The following MAP4K3 variants were observed in gnomAD, a reference collection of about 807,000 sequenced individuals.
The protein encoded by MAP4K3 is MAPK/ERK kinase kinase kinase 3.
In MAP4K3, 94 loss-of-function variants were observed where a neutral mutation model predicts 143.5. The ratio of observed to expected loss-of-function variants is 0.65; its 90% confidence interval spans 0.55 to 0.78. MAP4K3 has a LOEUF of 0.78. Among genes scored for constraint, MAP4K3 ranks in the 30% least tolerant of loss-of-function variants. The pLI, the probability that MAP4K3 is intolerant of heterozygous loss-of-function variation, is 0.00. For synonymous variants in MAP4K3, 416 were observed against 347.2 expected (o/e 1.20, Z -2.20); for missense variants, 1,077 against 1,068.1 (o/e 1.01, Z -0.12).
At chr2:39,280,154 T>C (rs1681453986) in intron 23 of MAP4K3, 118 bp downstream of exon 23, 1 of 556,286 alleles carries the variant, frequency 1.8e-6, no homozygotes, top group Non-Finnish European at 3.1e-6. Flanking sequence ...AAAAAAAAAT[T>C]ATAACAAAAC....
At chr2:39,436,690 T>A (rs1018064855) in intron 1 of MAP4K3, 9 of 569,806 alleles carry the variant, frequency 1.6e-5, no homozygotes, top group Non-Finnish European at 2.8e-5. Context: ...GGGGCTCAGG[T>A]AAGGGCTGGG....
At chr2:39,311,224 C>T (rs752270237) in intron 13 of MAP4K3, among the ~76,000 whole-genome samples, 12 of 152,080 alleles carry the variant, frequency 7.9e-5, no homozygotes, top group East Asian at 1.9e-4. Flanking sequence ...CCTACAGGTG[C>T]GCGCCACTAT....
chr2:39,359,994 T>C (rs1199303085), intron 2 of MAP4K3, among the ~76,000 whole-genome samples: 2 of 152,254 alleles, frequency 1.3e-5, no homozygotes, highest in Non-Finnish European at 2.9e-5. Flanking sequence ...GTGATTAACA[T>C]TTGGCTCCTT....
intron 22 of MAP4K3, 117 bp downstream of exon 22, chr2:39,282,396 T>C (rs540412536): frequency 3.9e-5 from 32 of 815,736 alleles, no homozygotes; most frequent in African/African-American, 3.0e-4. Flanking sequence ...AGCAATCTTA[T>C]AGATTTTTTT....
chr2:39,388,852 G>A (rs1666578359), intron 1 of MAP4K3, among the ~76,000 whole-genome samples: 1 of 152,082 alleles, frequency 6.6e-6, no homozygotes, highest in African/African-American at 2.4e-5. Flanking sequence ...ATTATCTGTA[G>A]ATAAACACAT....
intron 31 of MAP4K3, 137 bp downstream of exon 31, chr2:39,258,211 C>T (rs1039509209): frequency 1.5e-6 from 1 of 680,820 alleles, no homozygotes; most frequent in Non-Finnish European, 2.4e-6. Context: ...GGATTACAGG[C>T]ATGAGCCACC....
In MAP4K3 at chr2:39,307,982, G is replaced by C. The variant is rs771967694; in HGVS notation, c.1080C>G (p.Asp360Glu). The change falls in exon 15 of 34, where the codon GAC becomes GAG. Residue 360 changes from aspartate (D) to glutamate (E), a missense_variant. This residue lies in a region of MAP4K3 where 864 missense variants were observed against 801.2 expected (regional missense o/e 1.08). Transcript: ENST00000263881. ...CAGTGTAGTATATTTCTTCTGAACT[G>C]TCCAAAAAACCATCACTGTCGGGCT... Reference protein sequence around the residue: ...HELPDSDGFLDSSEEIYYTAR... With the variant: ...HELPDSDGFLESSEEIYYTAR... 17 of 1,598,922 alleles carry C rather than the reference G, an allele frequency of 1.1e-5. No individual in the cohort carries two copies. The South Asian group carries it at 1.4e-4, about 13-fold the overall frequency.
chr2:39,386,566 C>A (rs564539777), intron 1 of MAP4K3, among the ~76,000 whole-genome samples: 12 of 152,272 alleles, frequency 7.9e-5, no homozygotes, highest in African/African-American at 2.9e-4. Flanking sequence ...ATTTTGAGAT[C>A]ATTTTTGTGT....
At chr2:39,409,413 A>G (rs1214460843) in intron 1 of MAP4K3, among the ~76,000 whole-genome samples, 1 of 152,190 alleles carries the variant, frequency 6.6e-6, no homozygotes, top group Non-Finnish European at 1.5e-5. Flanking sequence ...ATCCACTCTA[A>G]TATTGCTGAA....
intron 3 of MAP4K3, among the ~76,000 whole-genome samples, chr2:39,350,196 A>C (rs2148544038): frequency 6.6e-6 from 1 of 152,360 alleles, no homozygotes; most frequent in East Asian, 1.9e-4. Context: ...TTAAACAAAT[A>C]ACAAATTAAC....
chr2:39,282,661 T>C, intron 21 of MAP4K3, 107 bp from the exon 22 acceptor site: 2 of 759,684 alleles, frequency 2.6e-6, no homozygotes, highest in Non-Finnish European at 2.2e-6. Context: ...ATACATTCTT[T>C]GTAAAACAAA....
At chr2:39,394,771 C>T (rs1666759625) in intron 1 of MAP4K3, among the ~76,000 whole-genome samples, 1 of 152,102 alleles carries the variant, frequency 6.6e-6, no homozygotes, top group Admixed American at 6.6e-5. Flanking sequence ...GTTATGATGC[C>T]AAGGATACGA....
intron 1 of MAP4K3, among the ~76,000 whole-genome samples, chr2:39,390,084 G>C (rs1273486555): frequency 6.6e-6 from 1 of 152,094 alleles, no homozygotes; most frequent in African/African-American, 2.4e-5. Context: ...AATGAAAGTA[G>C]TATATAACAG....
intron 12 of MAP4K3, among the ~76,000 whole-genome samples, chr2:39,322,134 T>C (rs1683329872): frequency 6.6e-6 from 1 of 152,184 alleles, no homozygotes; most frequent in South Asian, 2.1e-4. Context: ...TTCAATTTCA[T>C]AGATGAGGAT....
At chr2:39,265,830 A>C (rs1176731321) in intron 27 of MAP4K3, among the ~76,000 whole-genome samples, 1 of 152,144 alleles carries the variant, frequency 6.6e-6, no homozygotes, top group Non-Finnish European at 1.5e-5. Context: ...TCGAACCTTA[A>C]AATACTGGTT....
At chr2:39,359,240 T>A (rs1665696852) in intron 2 of MAP4K3, among the ~76,000 whole-genome samples, 1 of 151,742 alleles carries the variant, frequency 6.6e-6, no homozygotes, top group Non-Finnish European at 1.5e-5. Context: ...AGGATAGTCA[T>A]TAAATCTTAA....
At chr2:39,259,197 C>T (rs1244033496) in intron 29 of MAP4K3, among the ~76,000 whole-genome samples, 1 of 152,014 alleles carries the variant, frequency 6.6e-6, no homozygotes, top group Non-Finnish European at 1.5e-5. Context: ...CCTGCTATAT[C>T]GCCTAGGCTG....
At chr2:39,396,879 T>G (rs1357455714) in intron 1 of MAP4K3, among the ~76,000 whole-genome samples, 1 of 152,222 alleles carries the variant, frequency 6.6e-6, no homozygotes, top group Non-Finnish European at 1.5e-5. Context: ...AGAGTCATTC[T>G]TACTATCTAA....
At chr2:39,401,733 T>TG (rs1381853514) in intron 1 of MAP4K3, among the ~76,000 whole-genome samples, 1 of 152,048 alleles carries the variant, frequency 6.6e-6, no homozygotes, top group Non-Finnish European at 1.5e-5. Context: ...CAGGAGAGGT[T>TG]GAGGCTACAG....
Sources: gnomAD v4.1 joint callset for allele counts (sites outside exome capture counted in the v4.1 genomes callset) on GRCh38, gnomAD v4.1.1 for gene constraint, gnomAD v4.1.1 regional missense constraint, MANE v1.5 for transcripts, NCBI Gene and HGNC (gene_info 2026-07-23, HGNC 2026-07-21) for gene names.